The following SVIL variants were observed in gnomAD, a reference collection of about 807,000 sequenced individuals.
SVIL encodes the protein archvillin.
SVIL carries 101 observed loss-of-function variants against 240.4 expected under a neutral mutation model. The observed-to-expected ratio is 0.42, with a 90% CI of 0.36 to 0.50. SVIL has a LOEUF of 0.50. Among genes scored for constraint, SVIL ranks in the 20% least tolerant of loss-of-function variants. The pLI is 0.01. For synonymous variants in SVIL, 999 were observed against 1,100.0 expected (o/e 0.91, Z 1.82); for missense variants, 2,512 against 2,818.7 (o/e 0.89, Z 2.46).
At chr10:29,659,438 G>C (rs971487063) in intron 2 of SVIL, among the ~76,000 whole-genome samples, 5 of 152,200 alleles carry the variant, frequency 3.3e-5, no homozygotes, top group African/African-American at 1.2e-4. Flanking sequence ...AGAGGGCTCT[G>C]AACTGGGCAA....
At chr10:29,707,621 T>A (rs1012863411) in intron 1 of SVIL, among the ~76,000 whole-genome samples, 2 of 152,190 alleles carry the variant, frequency 1.3e-5, no homozygotes, top group Admixed American at 1.3e-4. Flanking sequence ...GTAGCAGTGG[T>A]AATTAATAAG....
At position 29,481,608 on chromosome 10, in the gene SVIL, G is replaced by A. The variant is rs200763094; in HGVS notation, c.5076C>T (p.Asn1692=). 1 of 1,614,146 alleles carries A rather than the reference G, an allele frequency of 6.2e-7. No homozygotes were observed. Among genetic ancestry groups the A allele is most frequent in the Non-Finnish European group, 8.5e-7 (1 of 1,180,032 alleles). ...WTELKRSNEK[N]PGELAQHKED... ...CCTTGTGCTGGGCAAGTTCCCCGGGGTTCTTCTCATTCGATCTCTTCAGTT... is the reference window on the plus strand; with the variant it reads ...CCTTGTGCTGGGCAAGTTCCCCGGGATTCTTCTCATTCGATCTCTTCAGTT... Residue 1692 remains asparagine, a synonymous_variant, in exon 28 of 38, where the codon AAC becomes AAT. Transcript: ENST00000355867.
At chr10:29,502,573 G>A (rs1173044476) in intron 17 of SVIL, among the ~76,000 whole-genome samples, 1 of 152,146 alleles carries the variant, frequency 6.6e-6, no homozygotes, top group Non-Finnish European at 1.5e-5. Flanking sequence ...TACCCCATCT[G>A]TCCTTCATTC....
rs549641154 is a variant in SVIL at position 29,598,760 on chromosome 10, G to A, written c.-200-29448C>T. ...ATCAAAGGGCCTCCATTCCTTTTTA[G>A]AATAATGTGAAAAGCCTGTTAGGTT... On this transcript the variant is annotated intron_variant, in intron 1 of 37. Transcript: ENST00000355867. Among the ~76,000 whole-genome samples, 28 of 152,308 alleles carry A rather than the reference G, an allele frequency of 1.8e-4. No individual in the cohort carries two copies. In the South Asian group the frequency reaches 5.8e-3, roughly 32 times the overall value.
chr10:29,531,940 G>A, intron 9 of SVIL, 62 bp downstream of exon 9: 1 of 1,572,638 alleles, frequency 6.4e-7, no homozygotes, highest in Non-Finnish European at 8.7e-7. Context: ...CCGTCAGTGT[G>A]GTAAAACTCC....
Position 29,529,530 on chromosome 10 carries a change from A to C in SVIL, c.2246+175T>G, listed in dbSNP as rs1158830144. 2.0e-5 allele frequency among the ~76,000 whole-genome samples: 3 copies of C among 152,248 alleles called. No individual in the cohort carries two copies. The South Asian group carries it at 6.2e-4, about 32-fold the overall frequency. On this transcript the variant is annotated intron_variant, in intron 12 of 37. Transcript: ENST00000355867. ...TTTCAAGTTTTTCTAGAAGATACAC[A>C]TCCCATTACAAAGTTTAGAGAGACC... is the stretch of plus-strand genomic sequence containing the variant.
chr10:29,593,387 T>C (rs895055662), intron 1 of SVIL, among the ~76,000 whole-genome samples: 1 of 152,060 alleles, frequency 6.6e-6, no homozygotes, highest in Non-Finnish European at 1.5e-5. Context: ...CCCCAAATAT[T>C]TCAACTGTGG....
At chr10:29,474,112 G>A (rs1209326481) in intron 29 of SVIL, 123 bp from the exon 30 acceptor site, 4 of 1,352,442 alleles carry the variant, frequency 3.0e-6, no homozygotes, top group Non-Finnish European at 3.0e-6. Flanking sequence ...ACCTAGGGCA[G>A]GGGAGAAACC....
rs1490174905 is a variant in SVIL, at chr10:29,604,909, C to T, written c.-201+29511G>A. On this transcript the variant is annotated intron_variant, in intron 1 of 37. Transcript: ENST00000355867. ...ACATTATCATAGGTTTATGTGTGTACAGTATGGGGAAAAAACAGTATATAC... is the reference window on the plus strand; with the variant it reads ...ACATTATCATAGGTTTATGTGTGTATAGTATGGGGAAAAAACAGTATATAC... Among the ~76,000 whole-genome samples, 4 of 117,456 alleles carry T rather than the reference C, an allele frequency of 3.4e-5. No homozygotes were observed. In the East Asian group the frequency reaches 6.2e-4, roughly 18 times the overall value. The allele number at this position is 117,456 out of a possible 152,430, so 77.1% of individuals were successfully genotyped here. A position where few individuals can be genotyped will look rare whatever the true frequency, so the allele number is the denominator to read the frequency against.
intron 2 of SVIL, among the ~76,000 whole-genome samples, chr10:29,565,694 A>T (rs3758366): frequency 0.43 from 65,319 of 151,398 alleles, 14,186 homozygotes; most frequent in African/African-American, 0.47. Context: ...GTTTGAGACC[A>T]GCTTGGGCAA....
At chr10:29,552,857 C>T (rs61846623) in intron 5 of SVIL, among the ~76,000 whole-genome samples, 45,464 of 151,908 alleles carry the variant, frequency 0.3, 7,096 homozygotes, top group African/African-American at 0.39. Context: ...TAAATAATTC[C>T]TCCTTTTCTC....
At chr10:29,612,121 T>A (rs757599020) in intron 1 of SVIL, among the ~76,000 whole-genome samples, 13 of 152,108 alleles carry the variant, frequency 8.5e-5, no homozygotes, top group Non-Finnish European at 1.9e-4. Context: ...CAGCCCTTTT[T>A]CCCATTGCAA....
Position 29,457,462 on chromosome 10 carries a change from A to G in SVIL, c.*785T>C, listed in dbSNP as rs920908912. On this transcript the variant is annotated 3_prime_UTR_variant, in exon 38 of 38. Transcript: ENST00000355867. Reference sequence around the variant, plus strand: ...AAATTGAGATGTTTTTATTTTGACTATTTGAGAGTAAAATTGTAGATAATG... The same window carrying G: ...AAATTGAGATGTTTTTATTTTGACTGTTTGAGAGTAAAATTGTAGATAATG... The G allele has an allele frequency of 3.3e-5, 5 of 152,612 alleles. No individual in the cohort carries two copies. Among genetic ancestry groups the G allele is most frequent in the East Asian group, 1.9e-4 (1 of 5,190 alleles). 9.5% of individuals were successfully genotyped at this position (152,612 alleles called of 1,614,324 possible).
chr10:29,494,056 G>A (rs1199786113), intron 20 of SVIL, among the ~76,000 whole-genome samples: 2 of 152,040 alleles, frequency 1.3e-5, no homozygotes, highest in East Asian at 1.9e-4. Context: ...CCATAGTCCC[G>A]CCTACTTGGG....
intron 1 of SVIL, among the ~76,000 whole-genome samples, chr10:29,632,806 T>C (rs1958151124): frequency 6.6e-6 from 1 of 151,184 alleles, no homozygotes; most frequent in African/African-American, 2.4e-5. Flanking sequence ...ATCAGCCTCA[T>C]CCAGTGATCA....
intron 9 of SVIL, 57 bp from the exon 10 acceptor site, chr10:29,531,345 G>A (rs1188201705): frequency 6.9e-6 from 10 of 1,450,466 alleles, no homozygotes; most frequent in East Asian, 2.3e-5. Flanking sequence ...GCAGAAGATC[G>A]AAATAAAACA....
intron 1 of SVIL, among the ~76,000 whole-genome samples, chr10:29,721,034 A>G (rs1008422820): frequency 4.6e-5 from 7 of 152,082 alleles, no homozygotes; most frequent in Non-Finnish European, 8.8e-5. Flanking sequence ...TTTAGAAGAG[A>G]TGGGGTTTTT....
intron 2 of SVIL, among the ~76,000 whole-genome samples, chr10:29,681,406 GGTGTGTGTGTGT>G (rs55839039): frequency 3.7e-5 from 5 of 134,890 alleles, no homozygotes; most frequent in East Asian, 2.2e-4. Context: ...AAGATGGAAT[GGTGTGTGTGTGT>G]GTGTGTGTGT....
At chr10:29,498,111 A>G (rs796269142) in intron 18 of SVIL, among the ~76,000 whole-genome samples, 6,666 of 148,592 alleles carry the variant, frequency 0.045, 527 homozygotes, top group African/African-American at 0.14. Context: ...AAAAAAAAAA[A>G]AAAAAAGAAA....
Sources: allele counts gnomAD v4.1 joint callset (sites outside exome capture counted in the v4.1 genomes callset), GRCh38; gene constraint gnomAD v4.1.1; transcripts MANE v1.5; gene names NCBI Gene and HGNC (gene_info 2026-07-23, HGNC 2026-07-21).